Variants in VRTN observed in about 807,000 individuals in gnomAD.
VRTN encodes the protein vertebrae development associated.
In VRTN, 5 loss-of-function variants were observed where a neutral mutation model predicts 18.2. The ratio of observed to expected loss-of-function variants is 0.27; its 90% CI spans 0.14 to 0.58. The LOEUF is 0.58. VRTN is among the 20% of genes least tolerant of loss of function. The pLI, the probability that VRTN is intolerant of heterozygous loss-of-function variation, is 0.91. For missense variants in VRTN, 741 were observed against 939.4 expected (o/e 0.79, Z 2.76); for synonymous variants, 381 against 393.7 (o/e 0.97, Z 0.38).
At chr14:74,352,197 T>G (rs2085690516) in intron 1 of VRTN, among the ~76,000 whole-genome samples, 1 of 151,758 alleles carries the variant, frequency 6.6e-6, no homozygotes, top group African/African-American at 2.4e-5. Context: ...TTTTTATTTT[T>G]GAGATGGAGT....
At chr14:74,336,499 C>A (rs993956080) in intron 1 of VRTN, among the ~76,000 whole-genome samples, 1 of 152,018 alleles carries the variant, frequency 6.6e-6, no homozygotes, top group Admixed American at 6.6e-5. Flanking sequence ...CTTTCTACTC[C>A]CTAAACACGT....
chr14:74,357,839 T>C lies in VRTN; in HGVS notation c.1056T>C (p.His352=), dbSNP rs1443960691. The part of the protein sequence containing the change: ...ISRSTYYAWK[H]ELLGSGTCPA... ...GCTCAACCTACTATGCCTGGAAGCA[T>C]GAGCTGCTGGGCTCTGGCACCTGCC... is the stretch of plus-strand genomic sequence containing the variant. Residue 352 remains histidine, a synonymous_variant, in exon 2 of 2, where the codon CAT becomes CAC. Coordinates refer to ENST00000256362, the MANE Select transcript of VRTN (RefSeq NM_018228.3). The surrounding 1 kb of genome is among the most constrained non-coding windows in gnomAD (Gnocchi z 7.8). 3 of 1,613,316 alleles carry C rather than the reference T, an allele frequency of 1.9e-6. No individual in the cohort carries two copies. In the African/African-American group the frequency reaches 4.0e-5, roughly 22 times the overall value.
upstream of VRTN, among the ~76,000 whole-genome samples, chr14:74,346,776 AC>A (rs201535795): frequency 4.6e-3 from 697 of 152,326 alleles, 8 homozygotes; most frequent in African/African-American, 0.016. Flanking sequence ...TAACACTCTT[AC>A]TTTTGTAATG....
intron 1 of VRTN, among the ~76,000 whole-genome samples, chr14:74,313,269 T>C (rs1349648593): frequency 6.6e-6 from 1 of 152,148 alleles, no homozygotes; most frequent in Non-Finnish European, 1.5e-5. Flanking sequence ...TAAACACTTC[T>C]GTGATGAATG....
At chr14:74,352,128 G>A (rs1166820949) in intron 1 of VRTN, among the ~76,000 whole-genome samples, 1 of 152,132 alleles carries the variant, frequency 6.6e-6, no homozygotes, top group East Asian at 1.9e-4. Flanking sequence ...GGGATTACAG[G>A]CCTGAGCCAC....
At position 74,357,658 on chromosome 14, in the gene VRTN, C is replaced by A. The variant is rs775199275; in HGVS notation, c.875C>A (p.Thr292Asn). The stretch of plus-strand genomic sequence containing the variant: ...CACCTCTGTGAGCGCTACAGCGTCA[C>A]CAAAAGCACCTTCTACCGCTGGCGG... ...YSHLCERYSV[T>N]KSTFYRWRRQ... The change falls in exon 2 of 2, where the codon ACC (threonine) becomes AAC (asparagine). Residue 292 changes from threonine (T) to asparagine (N), a missense_variant. Thr to Asn is a moderately conservative substitution (Grantham distance 65). Coordinates refer to ENST00000256362, the MANE Select transcript of VRTN (RefSeq NM_018228.3). This position sits in a 1 kb window ranked among gnomAD's most constrained non-coding sequence, Gnocchi z 7.8. 3.1e-6 allele frequency: 5 copies of A among 1,613,900 alleles called. No homozygotes were observed. Among genetic ancestry groups the A allele is most frequent in the Non-Finnish European group, 4.2e-6 (5 of 1,180,004 alleles).
intron 1 of VRTN, among the ~76,000 whole-genome samples, chr14:74,337,306 TTACTC>T (rs1189452396): frequency 3.3e-5 from 5 of 151,960 alleles, no homozygotes; most frequent in Non-Finnish European, 5.9e-5. Flanking sequence ...TCGTGCCACT[TTACTC>T]TAGCTGGGTG....
chr14:74,305,036 T>C (rs1466367384), intron 1 of VRTN, among the ~76,000 whole-genome samples: 2 of 151,944 alleles, frequency 1.3e-5, no homozygotes, highest in Admixed American at 1.3e-4. Flanking sequence ...ACTGTAAACT[T>C]TTAAGAAGTA....
In VRTN at chr14:74,358,663, A is replaced by G. The variant is rs2085756505; in HGVS notation, c.1880A>G (p.Gln627Arg). The G allele has an allele frequency of 6.2e-7, 1 of 1,612,620 alleles. No individual in the cohort carries two copies. The highest frequency in any genetic ancestry group is 2.2e-5 in the East Asian group (1 of 44,882). The change falls in exon 2 of 2, where the codon CAA (glutamine) becomes CGA (arginine). Residue 627 changes from glutamine (Q) to arginine (R), a missense_variant. Gln to Arg is a conservative substitution (Grantham distance 43). This residue lies in a region of VRTN where 61 missense variants were observed against 104.6 expected (regional missense o/e 0.58). Transcript: ENST00000256362. This position sits in a 1 kb window ranked among gnomAD's most constrained non-coding sequence, Gnocchi z 5.4. ...GQPHSGPLLS[Q>R]PVVAAAGGRD... ...CCCCACAGTGGGCCCTTGCTGAGCC[A>G]ACCTGTGGTGGCAGCAGCGGGTGGC... is the stretch of plus-strand genomic sequence containing the variant.
chr14:74,318,057 TG>T (rs2085428859), intron 1 of VRTN, among the ~76,000 whole-genome samples: 2 of 151,970 alleles, frequency 1.3e-5, no homozygotes, highest in South Asian at 4.1e-4. Flanking sequence ...AGTTCAAGGC[TG>T]CAGTGAGCTA....
chr14:74,357,107 C>G lies in VRTN; in HGVS notation c.324C>G (p.Thr108=), dbSNP rs138593269. The G allele has an allele frequency of 1.9e-6, 3 of 1,602,518 alleles. No homozygotes were observed. Among genetic ancestry groups the G allele is most frequent in the Non-Finnish European group, 2.5e-6 (3 of 1,176,602 alleles). ...TCAGCCTGGAGCTGCGGGCCCGCAC[C>G]GTGGTAGAGATGCTGCTGCACAGAC... ...AGLSLELRAR[T]VVEMLLHRHY... Residue 108 remains threonine, a synonymous_variant, in exon 2 of 2, where the codon ACC becomes ACG. Transcript: ENST00000256362. This position sits in a 1 kb window ranked among gnomAD's most constrained non-coding sequence, Gnocchi z 7.8.
At chr14:74,332,011 T>C (rs2085529274) in intron 1 of VRTN, among the ~76,000 whole-genome samples, 1 of 152,032 alleles carries the variant, frequency 6.6e-6, no homozygotes, top group South Asian at 2.1e-4. Flanking sequence ...GGGATTACTT[T>C]GCTTAGAGAT....
At chr14:74,308,670 A>G (rs746637214) in intron 1 of VRTN, among the ~76,000 whole-genome samples, 1 of 151,972 alleles carries the variant, frequency 6.6e-6, no homozygotes, top group Non-Finnish European at 1.5e-5. Context: ...ACCCGCCACC[A>G]CGCACAGCTA....
At chr14:74,311,697 A>G (rs2085389865) in intron 1 of VRTN, among the ~76,000 whole-genome samples, 1 of 151,256 alleles carries the variant, frequency 6.6e-6, no homozygotes, top group Admixed American at 6.6e-5. Flanking sequence ...GGGGTGAGCC[A>G]CCGCTCCCGG....
chr14:74,337,843 T>C (rs1219023912), exon 2 of VRTN: 1 of 152,190 alleles, frequency 6.6e-6, no homozygotes, highest in Non-Finnish European at 1.5e-5. Context: ...CCCAGGTACC[T>C]GGGCTGCCTG....
intron 1 of VRTN, among the ~76,000 whole-genome samples, chr14:74,324,637 C>G (rs1174458477): frequency 6.6e-6 from 1 of 152,040 alleles, no homozygotes; most frequent in African/African-American, 2.4e-5. Context: ...CCTGTAATCC[C>G]AGCACTTTGG....
chr14:74,346,637 A>G (rs1283160201), upstream of VRTN, among the ~76,000 whole-genome samples: 1 of 152,230 alleles, frequency 6.6e-6, no homozygotes, highest in Non-Finnish European at 1.5e-5. Flanking sequence ...GTGTAATTCT[A>G]AGAAAAAAGA....
intron 1 of VRTN, among the ~76,000 whole-genome samples, chr14:74,318,526 C>T (rs1192923358): frequency 1.3e-5 from 2 of 152,144 alleles, no homozygotes; most frequent in African/African-American, 4.8e-5. Context: ...CTGCCTCGGC[C>T]TCCCAAAGCG....
At chr14:74,304,987 G>C (rs1037318364) in intron 1 of VRTN, among the ~76,000 whole-genome samples, 1 of 152,072 alleles carries the variant, frequency 6.6e-6, no homozygotes, top group Non-Finnish European at 1.5e-5. Flanking sequence ...TTGGTATTCG[G>C]TGGCATTACT....
Sources: gnomAD v4.1 joint callset for allele counts (sites outside exome capture counted in the v4.1 genomes callset) on GRCh38, gnomAD v4.1.1 for gene constraint, gnomAD v4.1.1 regional missense constraint, Gnocchi (gnomAD v3.1) non-coding constraint, MANE v1.5 for transcripts, NCBI Gene and HGNC (gene_info 2026-07-23, HGNC 2026-07-21) for gene names.